WDR25: variants seen among roughly 807,000 people sequenced by gnomAD.
WDR25 encodes the protein WD repeat-containing protein 25.
In WDR25, 35 loss-of-function variants were observed where a neutral mutation model predicts 47.7. That is an observed-to-expected ratio of 0.73 (90% CI 0.56 to 0.97). The LOEUF (loss-of-function observed/expected upper bound fraction) is 0.97, where lower values mean the gene tolerates loss of function less well. Among genes scored for constraint, WDR25 ranks in the 50% least tolerant of loss-of-function variants. The pLI is 0.00. For synonymous variants in WDR25, 248 were observed against 278.9 expected (o/e 0.89, Z 1.10); for missense variants, 634 against 704.7 (o/e 0.90, Z 1.14).
chr14:100,388,400 A>G (rs1275778719), intron 2 of WDR25, among the ~76,000 whole-genome samples: 1 of 152,242 alleles, frequency 6.6e-6, no homozygotes, highest in Admixed American at 6.5e-5. Flanking sequence ...GCCCGAGGAC[A>G]CACAATAGGT....
chr14:100,396,706 C>A (rs901857461), intron 2 of WDR25, among the ~76,000 whole-genome samples: 1 of 152,188 alleles, frequency 6.6e-6, no homozygotes, highest in Non-Finnish European at 1.5e-5. Context: ...TAGGAGAGGC[C>A]AGGGGAAATC....
chr14:100,456,278 A>G (rs1365304528), intron 2 of WDR25, among the ~76,000 whole-genome samples: 2 of 152,208 alleles, frequency 1.3e-5, no homozygotes, highest in Non-Finnish European at 2.9e-5. Flanking sequence ...CAGGAGTTCA[A>G]GGCTGCAGTG....
chr14:100,385,449 C>A (rs1289860916), intron 2 of WDR25, among the ~76,000 whole-genome samples: 1 of 152,132 alleles, frequency 6.6e-6, no homozygotes, highest in Non-Finnish European at 1.5e-5. Flanking sequence ...ACAACACAGT[C>A]CAACTTATTA....
chr14:100,451,244 T>A (rs1453382813), intron 2 of WDR25, among the ~76,000 whole-genome samples: 1 of 6,210 alleles, frequency 1.6e-4, no homozygotes, highest in Non-Finnish European at 2.9e-4. Context: ...CAAAGCATTC[T>A]TTTTTTTTTT....
At chr14:100,482,959 TCTGG>T (rs1315886273) in intron 3 of WDR25, among the ~76,000 whole-genome samples, 3 of 152,216 alleles carry the variant, frequency 2.0e-5, no homozygotes, top group Non-Finnish European at 1.5e-5. Flanking sequence ...CCTCCATGTT[TCTGG>T]CTGGGTGGCG....
At chr14:100,466,219 A>G (rs1054955988) in intron 2 of WDR25, among the ~76,000 whole-genome samples, 1 of 152,128 alleles carries the variant, frequency 6.6e-6, no homozygotes, top group Non-Finnish European at 1.5e-5. Flanking sequence ...GACCCCAGCT[A>G]TTGACCCTTA....
At chr14:100,410,202 G>A (rs148692821) in intron 2 of WDR25, among the ~76,000 whole-genome samples, 3 of 152,174 alleles carry the variant, frequency 2.0e-5, no homozygotes, top group Non-Finnish European at 4.4e-5. Context: ...CGTCAAACAC[G>A]TCAGTGCTCG....
intron 2 of WDR25, among the ~76,000 whole-genome samples, chr14:100,427,830 G>C (rs1898213706): frequency 6.6e-6 from 1 of 152,238 alleles, no homozygotes; most frequent in South Asian, 2.1e-4. Context: ...CAGAGCTGGG[G>C]AGGGGCTGGA....
At chr14:100,491,746 A>G (rs1379741969) in intron 4 of WDR25, among the ~76,000 whole-genome samples, 1 of 152,234 alleles carries the variant, frequency 6.6e-6, no homozygotes, top group Admixed American at 6.5e-5. Context: ...TGGCATTCAC[A>G]TGCTCACTGA....
intron 2 of WDR25, among the ~76,000 whole-genome samples, chr14:100,448,820 T>C (rs1259082284): frequency 6.6e-6 from 1 of 152,098 alleles, no homozygotes; most frequent in Non-Finnish European, 1.5e-5. Context: ...GAACATCCAC[T>C]GGACCTTAAC....
At chr14:100,460,331 C>T (rs2140282980) in intron 2 of WDR25, among the ~76,000 whole-genome samples, 2 of 152,140 alleles carry the variant, frequency 1.3e-5, no homozygotes, top group East Asian at 3.9e-4. Context: ...CCAGGATGGT[C>T]TTGATCTCCT....
intron 5 of WDR25, among the ~76,000 whole-genome samples, chr14:100,528,295 C>T (rs964448988): frequency 6.6e-6 from 1 of 152,142 alleles, no homozygotes; most frequent in African/African-American, 2.4e-5. Context: ...AGGGGAGAAT[C>T]CTTCCTGCCC....
intron 4 of WDR25, among the ~76,000 whole-genome samples, chr14:100,513,149 A>G (rs757287167): frequency 1.1e-4 from 17 of 152,056 alleles, no homozygotes; most frequent in African/African-American, 1.7e-4. Flanking sequence ...TTTTCTGTCT[A>G]TTCTATAAGA....
At chr14:100,448,088 T>C (rs1280745997) in intron 2 of WDR25, among the ~76,000 whole-genome samples, 1 of 148,268 alleles carries the variant, frequency 6.7e-6, no homozygotes, top group African/African-American at 2.5e-5. Context: ...CCAGCTACTC[T>C]GGAGGCTGAG....
intron 4 of WDR25, among the ~76,000 whole-genome samples, chr14:100,496,529 G>T (rs1425403514): frequency 1.3e-5 from 2 of 151,732 alleles, no homozygotes; most frequent in East Asian, 3.9e-4. Flanking sequence ...GATTTAATTT[G>T]CCCTTCTTTT....
chr14:100,514,372 T>C (rs942271940), intron 4 of WDR25, among the ~76,000 whole-genome samples: 1 of 152,214 alleles, frequency 6.6e-6, no homozygotes, highest in African/African-American at 2.4e-5. Context: ...TGTCCTGTTT[T>C]AATTTATTAT....
In WDR25 at chr14:100,529,979, CCCGTGCTGCCCT is replaced by C. The variant is rs751733315; in HGVS notation, c.1578_1589del (p.Pro528_Leu531del). ...GGCCTGTGTCGGCACCACCTATCAC[CCCGTGCTGCCCT>C]CCGTCCTCGCCACCTGCTCCTGGGG... On this transcript the variant is annotated inframe_deletion, in exon 7 of 7. Coordinates refer to ENST00000402312, the MANE Select transcript of WDR25 (RefSeq NM_001161476.3). The surrounding 1 kb of genome is among the most constrained non-coding windows in gnomAD (Gnocchi z 5.1). The C allele has an allele frequency of 2.5e-6, 4 of 1,613,452 alleles. No homozygotes were observed. The highest frequency in any genetic ancestry group is 3.4e-6 in the Non-Finnish European group (4 of 1,179,980).
At chr14:100,503,495 T>TATTAAAA (rs1901010614) in intron 4 of WDR25, among the ~76,000 whole-genome samples, 1 of 152,174 alleles carries the variant, frequency 6.6e-6, no homozygotes, top group Admixed American at 6.5e-5. Flanking sequence ...AAGTGAGCCG[T>TATTAAAA]GAGGGCCACT....
At chr14:100,513,885 T>C (rs1040065739) in intron 4 of WDR25, among the ~76,000 whole-genome samples, 1 of 152,078 alleles carries the variant, frequency 6.6e-6, no homozygotes, top group African/African-American at 2.4e-5. Context: ...TTGGTATTAA[T>C]ATAGACATTC....
Sources: gnomAD v4.1 joint callset for allele counts (sites outside exome capture counted in the v4.1 genomes callset) on GRCh38, gnomAD v4.1.1 for gene constraint, Gnocchi (gnomAD v3.1) non-coding constraint, MANE v1.5 for transcripts, NCBI Gene and HGNC (gene_info 2026-07-23, HGNC 2026-07-21) for gene names.